The following RARB variants were observed in gnomAD, a reference collection of about 807,000 sequenced individuals.
RARB encodes retinoic acid receptor beta, also known as HBV-activated protein.
RARB carries 17 observed loss-of-function variants against 51.9 expected under a neutral mutation model. The observed-to-expected ratio is 0.33, with a 90% CI of 0.22 to 0.49. RARB has a LOEUF of 0.49. Among genes scored for constraint, RARB ranks in the 20% least tolerant of loss-of-function variants. RARB has a pLI of 0.99. For synonymous variants in RARB, 215 were observed against 195.4 expected (o/e 1.10, Z -0.84); for missense variants, 369 against 550.8 (o/e 0.67, Z 3.30).
At chr3:24,836,614 T>G (rs1201517120) in intron 1 of RARB, among the ~76,000 whole-genome samples, 1 of 152,192 alleles carries the variant, frequency 6.6e-6, no homozygotes, top group Non-Finnish European at 1.5e-5. Context: ...TACCAAGCTC[T>G]TTATGATCTG....
At chr3:25,209,256 G>A (rs144790763) in intron 5 of RARB, among the ~76,000 whole-genome samples, 173 of 152,338 alleles carry the variant, frequency 1.1e-3, no homozygotes, top group Middle Eastern at 3.4e-3. Flanking sequence ...GGGACCAGAG[G>A]AAGTTACTCA....
chr3:24,906,019 C>T (rs1694855973), intron 2 of RARB, among the ~76,000 whole-genome samples: 1 of 151,944 alleles, frequency 6.6e-6, no homozygotes, highest in Admixed American at 6.5e-5. Flanking sequence ...TAAGATAAGA[C>T]CTGGGGTACC....
At chr3:25,404,614 T>C (rs1707356476) in intron 5 of RARB, among the ~76,000 whole-genome samples, 1 of 152,188 alleles carries the variant, frequency 6.6e-6, no homozygotes, top group Non-Finnish European at 1.5e-5. Context: ...GAGCACCTGC[T>C]GTTTGCAAGG....
rs548974118 is a variant in RARB, at chr3:25,115,644, C to G, written c.-327-16517C>G. 3.5e-5 allele frequency among the ~76,000 whole-genome samples: 4 copies of G among 114,024 alleles called. No individual in the cohort carries two copies. In the South Asian group the frequency reaches 1.1e-3, roughly 32 times the overall value. 74.8% of individuals were successfully genotyped at this position (114,024 alleles called of 152,430 possible). ...TTTTTCTTTTTTTTCCTTTCTTTTT[C>G]TTTCTTTCTTTTTCCTTTCCTTTCC... On this transcript the variant is annotated intron_variant, in intron 3 of 11. Coordinates refer to the RARB transcript ENST00000383772.
At chr3:24,881,407 G>A (rs1011751133) in intron 2 of RARB, among the ~76,000 whole-genome samples, 1 of 152,106 alleles carries the variant, frequency 6.6e-6, no homozygotes, top group East Asian at 1.9e-4. Context: ...TGGTACATAG[G>A]ACTTGAGAAA....
chr3:25,400,008 C>G (rs868166213), intron 5 of RARB, among the ~76,000 whole-genome samples: 1 of 152,184 alleles, frequency 6.6e-6, no homozygotes. Context: ...TCTGAGGATT[C>G]TCCTAAAGAG....
intron 3 of RARB, among the ~76,000 whole-genome samples, chr3:25,545,580 G>T (rs189259884): frequency 6.6e-6 from 1 of 152,172 alleles, no homozygotes; most frequent in Admixed American, 6.5e-5. Flanking sequence ...GTGTGCGGTT[G>T]GCATTGCTCT....
At chr3:24,838,232 T>C (rs780447042) in intron 1 of RARB, among the ~76,000 whole-genome samples, 9 of 152,322 alleles carry the variant, frequency 5.9e-5, no homozygotes, top group Non-Finnish European at 1.0e-4. Context: ...ACATCTCTTC[T>C]ACTTGCAGCC....
chr3:24,871,383 C>A (rs906958281), intron 2 of RARB, among the ~76,000 whole-genome samples: 3 of 152,166 alleles, frequency 2.0e-5, no homozygotes, highest in Non-Finnish European at 4.4e-5. Context: ...CAACCTCTGA[C>A]AAACGTCGTT....
At chr3:25,278,859 G>A (rs1188937788) in intron 5 of RARB, among the ~76,000 whole-genome samples, 2 of 152,134 alleles carry the variant, frequency 1.3e-5, no homozygotes, top group African/African-American at 4.8e-5. Context: ...TAGATTTGGG[G>A]AGCTCTTGAG....
chr3:25,157,348 GTT>G (rs1491299197), intron 4 of RARB, among the ~76,000 whole-genome samples: 5 of 105,968 alleles, frequency 4.7e-5, no homozygotes, highest in African/African-American at 1.8e-4. Context: ...GAGTGTGTGT[GTT>G]TGTGTGTGTG....
chr3:25,482,192 C>T (rs1696257719), intron 2 of RARB, among the ~76,000 whole-genome samples: 1 of 152,126 alleles, frequency 6.6e-6, no homozygotes, highest in Admixed American at 6.5e-5. Flanking sequence ...CAGTCATTTC[C>T]ACTTTCCTTC....
intron 2 of RARB, among the ~76,000 whole-genome samples, chr3:24,880,048 G>T (rs1177352968): frequency 6.6e-6 from 1 of 151,896 alleles, no homozygotes; most frequent in Admixed American, 6.6e-5. Context: ...TTAGCTCTAC[G>T]TTCCTGGTTT....
intron 2 of RARB, among the ~76,000 whole-genome samples, chr3:24,890,573 A>G (rs951715872): frequency 5.3e-5 from 8 of 152,064 alleles, no homozygotes; most frequent in Non-Finnish European, 8.8e-5. Context: ...GGGTAGAAAG[A>G]TCCCATCTCT....
At chr3:25,138,335 G>GTT (rs79013652) in intron 4 of RARB, among the ~76,000 whole-genome samples, 266 of 140,666 alleles carry the variant, frequency 1.9e-3, no homozygotes, top group African/African-American at 2.2e-3. Flanking sequence ...CTATAATTGA[G>GTT]TTTTTTTTTT....
At chr3:25,038,374 G>A (rs1418834515) in intron 2 of RARB, among the ~76,000 whole-genome samples, 1 of 127,598 alleles carries the variant, frequency 7.8e-6, no homozygotes, top group Non-Finnish European at 1.7e-5. Flanking sequence ...AAACTGGGAG[G>A]AGCAGTAAAG....
rs573542326 is a variant in RARB, at chr3:25,165,270, T to C, written c.-279-8849T>C. On this transcript the variant is annotated intron_variant, in intron 4 of 11. Transcript: ENST00000383772. ...TACATTGCTTCTCTGCTCTCTCTCA[T>C]GTCTCTTGTTTACACGTGGTTTCTG... Among the ~76,000 whole-genome samples, 3 of 152,302 alleles carry C rather than the reference T, an allele frequency of 2.0e-5. No individual in the cohort carries two copies. The South Asian group carries it at 6.2e-4, about 32-fold the overall frequency.
At chr3:25,210,005 C>A (rs1010617974) in intron 5 of RARB, among the ~76,000 whole-genome samples, 2 of 152,190 alleles carry the variant, frequency 1.3e-5, no homozygotes, top group African/African-American at 2.4e-5. Flanking sequence ...CAACATCTTA[C>A]TGAAATTACC....
intron 3 of RARB, among the ~76,000 whole-genome samples, chr3:25,112,481 T>A (rs1699619280): frequency 6.6e-6 from 1 of 152,140 alleles, no homozygotes; most frequent in South Asian, 2.1e-4. Context: ...TACTTCCTTA[T>A]AAAAGCTAAT....
Sources: gnomAD v4.1 joint callset for allele counts (sites outside exome capture counted in the v4.1 genomes callset) on GRCh38, gnomAD v4.1.1 for gene constraint, MANE v1.5 for transcripts, NCBI Gene and HGNC (gene_info 2026-07-23, HGNC 2026-07-21) for gene names.